Variants in FTCDNL1 observed in about 807,000 individuals in gnomAD.
The protein encoded by FTCDNL1 is formiminotransferase N-terminal subdomain-containing protein.
A neutral mutation model predicts 5.9 loss-of-function variants in FTCDNL1; 11 were observed. The observed-to-expected ratio is 1.87, with a 90% confidence interval of 1.18 to 3.10. The LOEUF (loss-of-function observed/expected upper bound fraction) is 3.10, where lower values mean the gene tolerates loss of function less well. Ranked by LOEUF, FTCDNL1 falls within the 30% of genes most tolerant of loss-of-function variation. The probability of loss-of-function intolerance (pLI) is 0.00; values close to 1 mark genes in which losing one functional copy is unlikely to be tolerated. For missense variants in FTCDNL1, 115 were observed against 65.5 expected (o/e 1.76, Z -2.61); for synonymous variants, 58 against 24.8 (o/e 2.34, Z -3.99).
chr2:199,821,180 C>T (rs565367946), intron 3 of FTCDNL1, among the ~76,000 whole-genome samples: 3 of 152,026 alleles, frequency 2.0e-5, no homozygotes, highest in South Asian at 2.1e-4. Context: ...GATGGAGTCT[C>T]GCTCTGTCGC....
chr2:199,694,835 A>G, the FTCDNL1 span, among the ~76,000 whole-genome samples: 1 of 152,120 alleles, frequency 6.6e-6, no homozygotes, highest in Non-Finnish European at 1.5e-5. Flanking sequence ...CCCTGTCTCA[A>G]AAAAAATTAA....
intron 4 of FTCDNL1, among the ~76,000 whole-genome samples, chr2:199,817,607 G>A (rs1456069447): frequency 6.6e-6 from 1 of 152,106 alleles, no homozygotes; most frequent in Non-Finnish European, 1.5e-5. Flanking sequence ...GGGCAACATG[G>A]TGAAACCCTG....
chr2:199,776,849 AC>A (rs1262679652), intron 3 of FTCDNL1, among the ~76,000 whole-genome samples: 1 of 151,774 alleles, frequency 6.6e-6, no homozygotes, highest in Non-Finnish European at 1.5e-5. Flanking sequence ...CTATATATAC[AC>A]ACACACATAT....
At chr2:199,839,892 T>C (rs1336659970) in intron 3 of FTCDNL1, among the ~76,000 whole-genome samples, 4 of 152,164 alleles carry the variant, frequency 2.6e-5, no homozygotes, top group Non-Finnish European at 2.9e-5. Flanking sequence ...GGGTCACCAA[T>C]GTACTTCATT....
intron 3 of FTCDNL1, among the ~76,000 whole-genome samples, chr2:199,836,960 T>G (rs1464926629): frequency 6.6e-6 from 1 of 152,176 alleles, no homozygotes. Flanking sequence ...TTAACTTGCT[T>G]GCTCACTCAC....
chr2:199,824,609 T>C (rs895148636), intron 3 of FTCDNL1, among the ~76,000 whole-genome samples: 1 of 152,218 alleles, frequency 6.6e-6, no homozygotes, highest in African/African-American at 2.4e-5. Flanking sequence ...AAATAAAAGA[T>C]GTGAGACTAT....
At chr2:199,845,587 A>T (rs1467271049) in intron 3 of FTCDNL1, among the ~76,000 whole-genome samples, 2 of 152,076 alleles carry the variant, frequency 1.3e-5, no homozygotes, top group African/African-American at 4.8e-5. Context: ...AAAAAAGATA[A>T]TCTGTCCTAT....
the FTCDNL1 span, among the ~76,000 whole-genome samples, chr2:199,742,810 A>G: frequency 6.6e-6 from 1 of 152,234 alleles, no homozygotes; most frequent in Non-Finnish European, 1.5e-5. Flanking sequence ...CAATAGAAGT[A>G]GAAAAATAAG....
At chr2:199,682,735 CAT>C in the FTCDNL1 span, among the ~76,000 whole-genome samples, 1 of 152,148 alleles carries the variant, frequency 6.6e-6, no homozygotes, top group East Asian at 1.9e-4. Context: ...ATAATAAAGA[CAT>C]ATGTATTAAG....
chr2:199,763,135 C>T (rs536173204), intron 3 of FTCDNL1, among the ~76,000 whole-genome samples: 1 of 152,308 alleles, frequency 6.6e-6, no homozygotes, highest in East Asian at 1.9e-4. Context: ...AGGGCCCATC[C>T]GGTTCTAAGT....
At chr2:199,702,252 A>C in the FTCDNL1 span, among the ~76,000 whole-genome samples, 2 of 152,176 alleles carry the variant, frequency 1.3e-5, no homozygotes, top group Non-Finnish European at 2.9e-5. Flanking sequence ...TACCCATGTA[A>C]CAAACCTGCA....
chr2:199,686,600 T>C, the FTCDNL1 span, among the ~76,000 whole-genome samples: 2 of 152,162 alleles, frequency 1.3e-5, no homozygotes, highest in East Asian at 3.8e-4. Context: ...AATAACAATT[T>C]ATTACCTGTC....
At chr2:199,744,952 C>T in the FTCDNL1 span, among the ~76,000 whole-genome samples, 28 of 152,364 alleles carry the variant, frequency 1.8e-4, no homozygotes, top group African/African-American at 6.3e-4. Flanking sequence ...TAAGAGAACT[C>T]CTGGAGACTT....
At chr2:199,799,079 A>G (rs1048203880) in intron 3 of FTCDNL1, among the ~76,000 whole-genome samples, 6 of 152,212 alleles carry the variant, frequency 3.9e-5, no homozygotes, top group Non-Finnish European at 8.8e-5. Flanking sequence ...CTTTCAGCCC[A>G]GGGTTCCCTC....
At chr2:199,677,052 T>C in the FTCDNL1 span, among the ~76,000 whole-genome samples, 1 of 152,188 alleles carries the variant, frequency 6.6e-6, no homozygotes, top group Non-Finnish European at 1.5e-5. Flanking sequence ...GCTCTGCTCA[T>C]TGTGGTCATG....
rs1701064440 is a variant in FTCDNL1, at chr2:199,812,008, C to G, written c.*697G>C. 6.6e-6 allele frequency among the ~76,000 whole-genome samples: 1 copy of G among 152,184 alleles called. No homozygotes were observed. The highest frequency in any genetic ancestry group is 2.1e-4 in the South Asian group (1 of 4,834). On this transcript the variant is annotated 3_prime_UTR_variant, in exon 5 of 5. Transcript: ENST00000420128. ...AAGCAAAATAAAACATCAGAAATAACTTTCATATGCTTTTAAATAAAATAA... is the reference window on the plus strand; with the variant it reads ...AAGCAAAATAAAACATCAGAAATAAGTTTCATATGCTTTTAAATAAAATAA...
At chr2:199,765,331 C>G (rs904601044) in intron 3 of FTCDNL1, among the ~76,000 whole-genome samples, 1 of 151,542 alleles carries the variant, frequency 6.6e-6, no homozygotes, top group African/African-American at 2.4e-5. Context: ...ATGGGGTAGG[C>G]TGGGAGCAGG....
the FTCDNL1 span, among the ~76,000 whole-genome samples, chr2:199,703,470 A>G: frequency 3.3e-5 from 5 of 152,226 alleles, no homozygotes; most frequent in African/African-American, 1.2e-4. Context: ...ATCGCATTTT[A>G]GATATATTTA....
chr2:199,799,537 A>C (rs1261101428), intron 3 of FTCDNL1, among the ~76,000 whole-genome samples: 1 of 152,238 alleles, frequency 6.6e-6, no homozygotes. Context: ...TGTCATCCAG[A>C]AAACCTCATC....
Sources: allele counts gnomAD v4.1 joint callset (sites outside exome capture counted in the v4.1 genomes callset), GRCh38; gene constraint gnomAD v4.1.1; transcripts MANE v1.5; gene names NCBI Gene and HGNC (gene_info 2026-07-23, HGNC 2026-07-21).